The following DIP2C variants were observed in gnomAD, a reference collection of about 807,000 sequenced individuals.
The protein encoded by DIP2C is disco-interacting protein 2 homolog C.
In DIP2C, 33 loss-of-function variants were observed where a neutral mutation model predicts 192.4. That is an observed-to-expected ratio of 0.17 (90% CI 0.13 to 0.23). DIP2C has a LOEUF of 0.23. DIP2C is among the 10% of genes least tolerant of loss of function. DIP2C has a pLI of 1.00. For missense variants in DIP2C, 1,537 were observed against 2,110.1 expected, an observed-to-expected ratio of 0.73 and a Z score of 5.32; for synonymous variants, 979 against 864.1, an observed-to-expected ratio of 1.13 and a Z score of -2.33.
intron 3 of DIP2C, among the ~76,000 whole-genome samples, chr10:452,659 G>GC (rs1256200549): frequency 1.3e-5 from 2 of 152,176 alleles, no homozygotes; most frequent in African/African-American, 2.4e-5. Flanking sequence ...AGCCACGATG[G>GC]CCCCCTGGTT....
At chr10:391,009 C>A in intron 10 of DIP2C, 146 bp from the exon 11 acceptor site, 1 of 1,205,004 alleles carries the variant, frequency 8.3e-7, no homozygotes, top group South Asian at 1.5e-5. Context: ...ATCTGTGGGA[C>A]CCTGAACAGG....
chr10:662,495 G>A (rs927569966), intron 1 of DIP2C, among the ~76,000 whole-genome samples: 2 of 152,192 alleles, frequency 1.3e-5, no homozygotes, highest in Non-Finnish European at 1.5e-5. Context: ...CGAGCTGAAC[G>A]CTAATCATGA....
intron 1 of DIP2C, among the ~76,000 whole-genome samples, chr10:504,757 C>T (rs899480409): frequency 5.3e-5 from 8 of 152,190 alleles, no homozygotes; most frequent in African/African-American, 1.4e-4. Flanking sequence ...AGCAGGTGGC[C>T]GCTAACCTGG....
chr10:369,365 G>A (rs1349000958), intron 18 of DIP2C, 129 bp downstream of exon 18: 6 of 1,182,754 alleles, frequency 5.1e-6, no homozygotes, highest in Non-Finnish European at 6.9e-6. Context: ...TCAGAAGACT[G>A]GGAGTGAGGC....
intron 36 of DIP2C, among the ~76,000 whole-genome samples, chr10:279,591 C>T (rs1454297143): frequency 6.6e-5 from 10 of 152,338 alleles, no homozygotes; most frequent in Non-Finnish European, 1.0e-4. Flanking sequence ...CATTCCACAG[C>T]GCTGGGTGTC....
At chr10:515,152 T>C (rs538409990) in intron 1 of DIP2C, among the ~76,000 whole-genome samples, 17 of 152,334 alleles carry the variant, frequency 1.1e-4, no homozygotes, top group Non-Finnish European at 2.1e-4. Context: ...TGTCATCCAA[T>C]TGGTTCTTTA....
rs556615529 is a variant in DIP2C at position 341,479 on chromosome 10, G to T, written c.3454-150C>A. 7.1e-5 allele frequency: 86 copies of T among 1,207,930 alleles called. 1 individual carries two copies. In the South Asian group the frequency reaches 1.1e-3, roughly 16 times the overall value. 74.8% of individuals were successfully genotyped at this position (1,207,930 alleles called of 1,614,324 possible). A position where few individuals can be genotyped will look rare whatever the true frequency, so the allele number is the denominator to read the frequency against. ...GGGACAATACGGGGCTGCACTGAACGCAAGGCTGTTTTGAACGCATCGGAC... is the reference window on the plus strand; with the variant it reads ...GGGACAATACGGGGCTGCACTGAACTCAAGGCTGTTTTGAACGCATCGGAC... On this transcript the variant is annotated intron_variant, in intron 28 of 36. Transcript: ENST00000280886.
chr10:484,960 T>A, intron 2 of DIP2C: 1 of 1,596,122 alleles, frequency 6.3e-7, no homozygotes, highest in Non-Finnish European at 8.5e-7. Context: ...TGTAACAAGT[T>A]GAAAAAAAAC....
At chr10:548,143 C>T (rs1231634186) in intron 1 of DIP2C, among the ~76,000 whole-genome samples, 1 of 151,348 alleles carries the variant, frequency 6.6e-6, no homozygotes, top group African/African-American at 2.4e-5. Context: ...CACCTCTGCC[C>T]CAGTGCACCT....
intron 1 of DIP2C, among the ~76,000 whole-genome samples, chr10:556,985 G>A (rs1375179992): frequency 6.6e-6 from 1 of 152,206 alleles, no homozygotes; most frequent in Non-Finnish European, 1.5e-5. Context: ...TAAGACAACA[G>A]CCAGGGCTTC....
chr10:456,930 C>CT (rs1969350810), intron 3 of DIP2C, among the ~76,000 whole-genome samples: 2 of 152,206 alleles, frequency 1.3e-5, no homozygotes, highest in Admixed American at 1.3e-4. Flanking sequence ...ACTGGATTCT[C>CT]TGACCTGCCA....
intron 1 of DIP2C, among the ~76,000 whole-genome samples, chr10:494,442 CAG>C (rs1409584212): frequency 7.9e-5 from 12 of 152,188 alleles, no homozygotes; most frequent in Non-Finnish European, 1.6e-4. Flanking sequence ...CTCCCTCACC[CAG>C]AGTCTGACTT....
chr10:613,753 C>A (rs1331409029), intron 1 of DIP2C, among the ~76,000 whole-genome samples: 1 of 152,156 alleles, frequency 6.6e-6, no homozygotes, highest in African/African-American at 2.4e-5. Context: ...CATGGCATTT[C>A]GCACACCTGC....
intron 31 of DIP2C, among the ~76,000 whole-genome samples, chr10:319,801 C>T (rs1235507286): frequency 6.6e-6 from 1 of 152,108 alleles, no homozygotes; most frequent in East Asian, 1.9e-4. Flanking sequence ...GCTTTTACTT[C>T]TAAATTTTGT....
At chr10:680,444 G>T (rs1045838400) in intron 1 of DIP2C, among the ~76,000 whole-genome samples, 4 of 152,144 alleles carry the variant, frequency 2.6e-5, no homozygotes, top group African/African-American at 9.7e-5. Flanking sequence ...TACACTGTCC[G>T]CACTGGGTAA....
chr10:661,946 C>T lies in DIP2C; in HGVS notation c.85+27548G>A, dbSNP rs1298211639. ...CATCTGCCTTCCTGCACTCCCTCTT[C>T]CCCTCCTGACCCAGGCACTGAATCG... On this transcript the variant is annotated intron_variant, in intron 1 of 36. Coordinates refer to ENST00000280886, the MANE Select transcript of DIP2C (RefSeq NM_014974.3). 205 of 690,146 alleles carry T rather than the reference C, an allele frequency of 3.0e-4. 5 individuals carry two copies. Among genetic ancestry groups the T allele is most frequent in the South Asian group, 2.7e-3 (173 of 64,752 alleles). 42.8% of individuals were successfully genotyped at this position (690,146 alleles called of 1,614,324 possible). A position where few individuals can be genotyped will look rare whatever the true frequency, so the allele number is the denominator to read the frequency against.
chr10:397,137 G>T (rs887044017), intron 10 of DIP2C, among the ~76,000 whole-genome samples: 2 of 152,112 alleles, frequency 1.3e-5, no homozygotes, highest in African/African-American at 4.8e-5. Context: ...TTTAATGCTG[G>T]AGTAGCCACA....
intron 32 of DIP2C, among the ~76,000 whole-genome samples, chr10:300,807 G>C (rs7077053): frequency 2.5e-4 from 34 of 134,160 alleles, no homozygotes; most frequent in South Asian, 5.2e-4. Flanking sequence ...GGAACCCAGG[G>C]GCGGCCCTGA....
rs1282221517 is a variant in DIP2C at position 344,936 on chromosome 10, T to TATCA, written c.3344-22_3344-19dup. The stretch of plus-strand genomic sequence containing the variant: ...CAAATCATCTGGAGAGGAACATGAC[T>TATCA]ATCAGCAGATCCAGCCTGAGCAAGG... On this transcript the variant is annotated intron_variant, in intron 27 of 36. Coordinates refer to ENST00000280886, the MANE Select transcript of DIP2C (RefSeq NM_014974.3). 3 of 1,603,532 alleles carry TATCA rather than the reference T, an allele frequency of 1.9e-6. No homozygotes were observed. The highest frequency in any genetic ancestry group is 2.6e-6 in the Non-Finnish European group (3 of 1,175,794).
Sources: gnomAD v4.1 joint callset for allele counts (sites outside exome capture counted in the v4.1 genomes callset) on GRCh38, gnomAD v4.1.1 for gene constraint, MANE v1.5 for transcripts, NCBI Gene and HGNC (gene_info 2026-07-23, HGNC 2026-07-21) for gene names.